Variants in DMD observed in about 807,000 individuals in gnomAD.
DMD encodes mutant dystrophin.
Under a neutral mutation model 330.1 loss-of-function variants are expected in DMD, and 63 were observed. The observed-to-expected ratio is 0.19, with a 90% CI of 0.16 to 0.24. DMD has a LOEUF of 0.24. DMD is among the 10% of genes least tolerant of loss of function. The pLI is 1.00. For synonymous variants in DMD, 1,223 were observed against 959.8 expected, an observed-to-expected ratio of 1.27 and a Z score of -5.07; for missense variants, 3,344 against 2,684.1, an observed-to-expected ratio of 1.25 and a Z score of -5.43.
chrX:32,393,870 C>A (rs1347169578), intron 30 of DMD, among the ~76,000 whole-genome samples: 1 of 110,871 alleles, frequency 9.0e-6, no homozygotes, highest in African/African-American at 3.3e-5. Context: ...GAGATAGGTT[C>A]AATGGGATCA....
chrX:33,081,964 T>G (rs932260125), intron 1 of DMD, among the ~76,000 whole-genome samples: 1 of 102,170 alleles, frequency 9.8e-6, no homozygotes, highest in African/African-American at 4.4e-5. Context: ...GAAAACAGTT[T>G]TTTTTTTTTT....
intron 43 of DMD, among the ~76,000 whole-genome samples, chrX:32,255,915 T>G (rs138880451): frequency 1.8e-5 from 2 of 111,805 alleles, no homozygotes; most frequent in South Asian, 7.4e-4. Context: ...GAGACTTGAG[T>G]CTGGGAGAGG....
intron 44 of DMD, among the ~76,000 whole-genome samples, chrX:32,072,946 G>A (rs2096312228): frequency 8.9e-6 from 1 of 111,826 alleles, no homozygotes; most frequent in African/African-American, 3.3e-5. Flanking sequence ...TTCTCTTAAT[G>A]TTCTTTTGAC....
At chrX:32,931,922 A>C (rs190854967) in intron 2 of DMD, among the ~76,000 whole-genome samples, 2 of 112,063 alleles carry the variant, frequency 1.8e-5, no homozygotes, top group East Asian at 5.6e-4. Context: ...ATGACAAATT[A>C]AATTTTGCCT....
At chrX:31,723,275 A>AAT (rs1556847431) in intron 52 of DMD, among the ~76,000 whole-genome samples, 1 of 108,456 alleles carries the variant, frequency 9.2e-6, no homozygotes, top group African/African-American at 3.4e-5. Flanking sequence ...AAGTAACATC[A>AAT]CTCCTGCAAT....
chrX:32,407,544 C>T (rs922153182), intron 30 of DMD, among the ~76,000 whole-genome samples: 1 of 110,987 alleles, frequency 9.0e-6, no homozygotes, highest in Non-Finnish European at 1.9e-5. Context: ...ACTAGTTCAA[C>T]CATTGTGGAA....
At chrX:32,698,456 A>C (rs1464472910) in intron 8 of DMD, among the ~76,000 whole-genome samples, 1 of 111,942 alleles carries the variant, frequency 8.9e-6, no homozygotes. Flanking sequence ...CCACACATTC[A>C]GCAGAAATGT....
chrX:31,761,623 G>A (rs2089598190), intron 51 of DMD, among the ~76,000 whole-genome samples: 1 of 111,996 alleles, frequency 8.9e-6, no homozygotes, highest in Admixed American at 9.5e-5. Flanking sequence ...CTAATACCAC[G>A]TATATTGATG....
chrX:32,730,629 G>A (rs1289277313), intron 7 of DMD, among the ~76,000 whole-genome samples: 2 of 111,874 alleles, frequency 1.8e-5, no homozygotes, highest in African/African-American at 3.3e-5. Flanking sequence ...AGAAAGGACA[G>A]GACTAGAAAG....
At chrX:33,055,981 A>G (rs945881740) in intron 1 of DMD, among the ~76,000 whole-genome samples, 2 of 110,198 alleles carry the variant, frequency 1.8e-5, no homozygotes, top group African/African-American at 3.3e-5. Flanking sequence ...AGAACTTCTT[A>G]TAATACCTCT....
chrX:32,141,715 ACACAC>A (rs2096754801), intron 44 of DMD, among the ~76,000 whole-genome samples: 1 of 105,923 alleles, frequency 9.4e-6, no homozygotes. Context: ...ACACACACAC[ACACAC>A]ACACGATCTT....
intron 25 of DMD, 52 bp downstream of exon 25, chrX:32,463,387 A>T: frequency 9.1e-7 from 1 of 1,103,477 alleles, no homozygotes; most frequent in Non-Finnish European, 1.2e-6. Flanking sequence ...GACATTAGGA[A>T]ATCTTAGTTA....
At chrX:32,907,698 A>G (rs1000571693) in intron 2 of DMD, among the ~76,000 whole-genome samples, 6 of 112,293 alleles carry the variant, frequency 5.3e-5, no homozygotes, top group Non-Finnish European at 1.1e-4. Context: ...TAGTAAAGAC[A>G]GTTTCTCAAC....
intron 54 of DMD, among the ~76,000 whole-genome samples, chrX:31,630,634 G>A (rs1260096643): frequency 9.0e-6 from 1 of 110,506 alleles, no homozygotes; most frequent in Non-Finnish European, 1.9e-5. Context: ...GGAACCATAT[G>A]GGTTTAAGTG....
chrX:32,894,509 C>T (rs2085523627), intron 2 of DMD, among the ~76,000 whole-genome samples: 1 of 112,598 alleles, frequency 8.9e-6, no homozygotes, highest in Non-Finnish European at 1.9e-5. Context: ...GTTTATATAG[C>T]ATTTTTACTT....
intron 7 of DMD, among the ~76,000 whole-genome samples, chrX:32,787,256 G>A (rs1423356247): frequency 9.3e-6 from 1 of 107,382 alleles, no homozygotes; most frequent in Non-Finnish European, 1.9e-5. Flanking sequence ...GTGAGAGAGA[G>A]AGAGAGAGAG....
At chrX:32,150,671 G>A (rs1348648303) in intron 44 of DMD, among the ~76,000 whole-genome samples, 3 of 111,492 alleles carry the variant, frequency 2.7e-5, no homozygotes, top group Non-Finnish European at 5.6e-5. Flanking sequence ...ATTGATAACA[G>A]TATTAAGGAG....
At chrX:32,229,355 TACTCTC>T (rs1325677200) in intron 43 of DMD, among the ~76,000 whole-genome samples, 1 of 109,918 alleles carries the variant, frequency 9.1e-6, no homozygotes, top group East Asian at 2.9e-4. Context: ...AAGTACCTCA[TACTCTC>T]AAATCAAAAT....
chrX:33,193,296 G>T (rs1363677662), intron 1 of DMD, among the ~76,000 whole-genome samples: 2 of 111,919 alleles, frequency 1.8e-5, no homozygotes, highest in Non-Finnish European at 3.8e-5. Flanking sequence ...AACAGAGCGA[G>T]ACTCTGTCTC....
Sources: allele counts gnomAD v4.1 joint callset (sites outside exome capture counted in the v4.1 genomes callset), GRCh38; gene constraint gnomAD v4.1.1; transcripts MANE v1.5; gene names NCBI Gene and HGNC (gene_info 2026-07-23, HGNC 2026-07-21).